The following PTPN5 variants were observed in gnomAD, a reference collection of about 807,000 sequenced individuals.
PTPN5 encodes the protein tyrosine-protein phosphatase non-receptor type 5.
In PTPN5, 29 loss-of-function variants were observed where a neutral mutation model predicts 73.9. The observed-to-expected ratio is 0.39, with a 90% CI of 0.29 to 0.54. PTPN5 has a LOEUF of 0.54. PTPN5 is among the 20% of genes least tolerant of loss of function. The probability of loss-of-function intolerance (pLI) is 0.65; values close to 1 mark genes in which losing one functional copy is unlikely to be tolerated. For synonymous variants in PTPN5, 267 were observed against 304.7 expected (o/e 0.88, Z 1.29); for missense variants, 652 against 751.4 (o/e 0.87, Z 1.55).
chr11:18,756,921 C>CA (rs71483486), intron 3 of PTPN5, among the ~76,000 whole-genome samples: 28,970 of 82,764 alleles, frequency 0.35, 3,426 homozygotes, highest in Non-Finnish European at 0.45. Flanking sequence ...AAGACTCCAT[C>CA]AAAAAAAAAA....
At chr11:18,763,741 T>C (rs1850505014) in intron 3 of PTPN5, among the ~76,000 whole-genome samples, 1 of 152,238 alleles carries the variant, frequency 6.6e-6, no homozygotes, top group Admixed American at 6.5e-5. Flanking sequence ...GCTCAATAAG[T>C]ACTTGAGTGA....
chr11:18,746,515 T>C (rs1033959862), intron 3 of PTPN5, among the ~76,000 whole-genome samples: 2 of 152,078 alleles, frequency 1.3e-5, no homozygotes, highest in African/African-American at 4.8e-5. Context: ...TTTTAGATAC[T>C]ACAGACGAAA....
intron 2 of PTPN5, among the ~76,000 whole-genome samples, chr11:18,771,539 C>T (rs974147844): frequency 4.6e-5 from 7 of 152,298 alleles, no homozygotes; most frequent in East Asian, 1.9e-4. Flanking sequence ...CACCAACTTC[C>T]GACTCTGGAG....
intron 1 of PTPN5, among the ~76,000 whole-genome samples, chr11:18,783,322 G>A (rs1590624194): frequency 6.6e-6 from 1 of 152,336 alleles, no homozygotes; most frequent in East Asian, 1.9e-4. Context: ...AGAGTCCCTG[G>A]AAGCAGGGCT....
chr11:18,765,634 C>G (rs1850609541), intron 3 of PTPN5, among the ~76,000 whole-genome samples, 173 bp downstream of exon 3: 1 of 152,222 alleles, frequency 6.6e-6, no homozygotes, highest in African/African-American at 2.4e-5. Flanking sequence ...GGTCAGAAGG[C>G]ATCAGGGATT....
chr11:18,775,090 A>G (rs1851082319), intron 1 of PTPN5, among the ~76,000 whole-genome samples: 1 of 152,180 alleles, frequency 6.6e-6, no homozygotes, highest in Admixed American at 6.5e-5. Context: ...CCCCTGGAGG[A>G]ACGTACTAAC....
At chr11:18,784,896 C>G (rs2134367312) in intron 1 of PTPN5, among the ~76,000 whole-genome samples, 1 of 152,116 alleles carries the variant, frequency 6.6e-6, no homozygotes, top group East Asian at 1.9e-4. Context: ...CTCTGTCACC[C>G]AGGCTGGAGT....
chr11:18,772,357 G>T (rs1020124875), intron 1 of PTPN5, among the ~76,000 whole-genome samples: 1 of 152,192 alleles, frequency 6.6e-6, no homozygotes, highest in Non-Finnish European at 1.5e-5. Flanking sequence ...CAGCAAACTC[G>T]TGGAATGAAT....
intron 3 of PTPN5, among the ~76,000 whole-genome samples, chr11:18,754,316 G>A (rs1850029928): frequency 6.6e-6 from 1 of 152,174 alleles, no homozygotes; most frequent in South Asian, 2.1e-4. Flanking sequence ...CTGGCTGTCT[G>A]GGAATCAACA....
intron 3 of PTPN5, among the ~76,000 whole-genome samples, chr11:18,764,062 C>A (rs1337478704): frequency 6.6e-6 from 1 of 152,192 alleles, no homozygotes; most frequent in Non-Finnish European, 1.5e-5. Context: ...ATCTGAATCA[C>A]AGAACTGTTT....
Position 18,768,154 on chromosome 11 carries a change from G to A in PTPN5, c.21-2271C>T, listed in dbSNP as rs146280210. Among the ~76,000 whole-genome samples the A allele has an allele frequency of 1.7e-3, 264 of 152,310 alleles. 2 individuals carry two copies. The highest frequency in any genetic ancestry group is 6.8e-3 in the Middle Eastern group (2 of 294). The stretch of plus-strand genomic sequence containing the variant: ...TGGAATAAGTAAATGTTGACCTGAC[G>A]TTCTTGAGAAAACATTAGGAATCTC... On this transcript the variant is annotated intron_variant, in intron 2 of 14. Coordinates refer to ENST00000358540, the MANE Select transcript of PTPN5 (RefSeq NM_006906.2).
In PTPN5 at chr11:18,729,855, G is replaced by C. The variant is rs1848796470; in HGVS notation, c.1330-37C>G. 4 of 1,613,758 alleles carry C rather than the reference G, an allele frequency of 2.5e-6. No homozygotes were observed. Among genetic ancestry groups the C allele is most frequent in the Admixed American group, 1.7e-5 (1 of 60,012 alleles). ...ACAGAGGCCCACCCCAGGTATGTGT[G>C]AACTCTTTCAGCTCACAAACCAGCC... On this transcript the variant is annotated intron_variant, in intron 12 of 14. Transcript: ENST00000358540. This position sits in a 1 kb window ranked among gnomAD's most constrained non-coding sequence, Gnocchi z 5.2.
chr11:18,750,426 C>T lies in PTPN5; in HGVS notation c.98-6227G>A, dbSNP rs149915964. Among the ~76,000 whole-genome samples, 376 of 152,244 alleles carry T rather than the reference C, an allele frequency of 2.5e-3. 1 individual carries two copies. Among genetic ancestry groups the T allele is most frequent in the Middle Eastern group, 0.01 (3 of 294 alleles). Reference sequence around the variant, plus strand: ...TACTCCTAGGACCAGGCATTCTGCCCGCCACACCACGTCATTGGTAACAAG... The same window carrying T: ...TACTCCTAGGACCAGGCATTCTGCCTGCCACACCACGTCATTGGTAACAAG... On this transcript the variant is annotated intron_variant, in intron 3 of 14. Coordinates refer to ENST00000358540, the MANE Select transcript of PTPN5 (RefSeq NM_006906.2).
chr11:18,746,180 T>C (rs1564901263), intron 3 of PTPN5, among the ~76,000 whole-genome samples: 1 of 111,886 alleles, frequency 8.9e-6, no homozygotes, highest in African/African-American at 2.7e-5. Context: ...TATATATATA[T>C]ATATATATAT....
intron 2 of PTPN5, among the ~76,000 whole-genome samples, chr11:18,768,056 T>C (rs755541636): frequency 5.9e-5 from 9 of 152,258 alleles, no homozygotes; most frequent in Admixed American, 3.9e-4. Flanking sequence ...ATTTCTGTTT[T>C]ATTTACCATT....
At chr11:18,730,171 C>T (rs1848812671) in intron 12 of PTPN5, 1 of 463,562 alleles carries the variant, frequency 2.2e-6, no homozygotes, top group Non-Finnish European at 3.8e-6. Context: ...GTCACATAAC[C>T]CAGCCCCGGG....
At chr11:18,769,134 C>G (rs936982535) in intron 2 of PTPN5, among the ~76,000 whole-genome samples, 3 of 152,218 alleles carry the variant, frequency 2.0e-5, no homozygotes, top group Non-Finnish European at 4.4e-5. Context: ...AAGCCATCGT[C>G]GCATTCAACA....
In PTPN5 at chr11:18,729,624, T is replaced by G; in HGVS notation, c.1490+34A>C. 6.3e-7 allele frequency: 1 copy of G among 1,575,636 alleles called. No homozygotes were observed. The highest frequency in any genetic ancestry group is 8.6e-7 in the Non-Finnish European group (1 of 1,163,400). On this transcript the variant is annotated intron_variant, in intron 13 of 14. Coordinates refer to ENST00000358540, the MANE Select transcript of PTPN5 (RefSeq NM_006906.2). This position sits in a 1 kb window ranked among gnomAD's most constrained non-coding sequence, Gnocchi z 5.2. ...CAGGGCAGCCCAGCGGGTGGGGGGCTGCCCCGCTCCAGTGGCTGGCTGGGA... is the reference window on the plus strand; with the variant it reads ...CAGGGCAGCCCAGCGGGTGGGGGGCGGCCCCGCTCCAGTGGCTGGCTGGGA...
chr11:18,760,059 G>A (rs1212906001), intron 3 of PTPN5, among the ~76,000 whole-genome samples: 1 of 152,078 alleles, frequency 6.6e-6, no homozygotes, highest in Non-Finnish European at 1.5e-5. Flanking sequence ...ACCAAGATAG[G>A]GTTGCAAAAT....
Sources: gnomAD v4.1 joint callset for allele counts (sites outside exome capture counted in the v4.1 genomes callset) on GRCh38, gnomAD v4.1.1 for gene constraint, Gnocchi (gnomAD v3.1) non-coding constraint, MANE v1.5 for transcripts, NCBI Gene and HGNC (gene_info 2026-07-23, HGNC 2026-07-21) for gene names.